The following HS3ST3A1 variants were observed in gnomAD, a reference collection of about 807,000 sequenced individuals.
The protein encoded by HS3ST3A1 is heparan sulfate-glucosamine 3-sulfotransferase 3A1.
HS3ST3A1 carries 19 observed loss-of-function variants against 25.7 expected under a neutral mutation model. The ratio of observed to expected loss-of-function variants is 0.74; its 90% CI spans 0.52 to 1.08. The LOEUF (loss-of-function observed/expected upper bound fraction) is 1.08. Among genes scored for constraint, HS3ST3A1 ranks in the 50% least tolerant of loss-of-function variants. HS3ST3A1 has a pLI of 0.00. For synonymous variants in HS3ST3A1, 226 were observed against 278.6 expected (o/e 0.81, Z 1.88); for missense variants, 459 against 594.3 (o/e 0.77, Z 2.37).
At chr17:13,551,370 TAA>T (rs1907237707) in intron 1 of HS3ST3A1, among the ~76,000 whole-genome samples, 2 of 148,432 alleles carry the variant, frequency 1.3e-5, no homozygotes, top group African/African-American at 4.9e-5. Flanking sequence ...AATAAATAAA[TAA>T]ATAAATAAAT....
At chr17:13,535,274 A>G (rs746364753) in intron 1 of HS3ST3A1, among the ~76,000 whole-genome samples, 1 of 152,172 alleles carries the variant, frequency 6.6e-6, no homozygotes, top group East Asian at 1.9e-4. Flanking sequence ...GTTTGTTAAC[A>G]TATGTATTTT....
chr17:13,500,249 G>C (rs1905424731), intron 1 of HS3ST3A1, among the ~76,000 whole-genome samples: 1 of 152,118 alleles, frequency 6.6e-6, no homozygotes, highest in Admixed American at 6.5e-5. Flanking sequence ...ACCTGAGTAA[G>C]GCACAAATTA....
At chr17:13,549,076 C>A (rs902796525) in intron 1 of HS3ST3A1, among the ~76,000 whole-genome samples, 1 of 152,210 alleles carries the variant, frequency 6.6e-6, no homozygotes, top group Non-Finnish European at 1.5e-5. Context: ...CTGTTGCTCA[C>A]GCTTTGGGTC....
At chr17:13,530,168 G>A (rs1190623859) in intron 1 of HS3ST3A1, among the ~76,000 whole-genome samples, 1 of 152,064 alleles carries the variant, frequency 6.6e-6, no homozygotes, top group Admixed American at 6.6e-5. Flanking sequence ...GGACACTCCT[G>A]CTCAGACATA....
At chr17:13,585,217 T>TTTTTTTG (rs1598433443) in intron 1 of HS3ST3A1, among the ~76,000 whole-genome samples, 2 of 115,916 alleles carry the variant, frequency 1.7e-5, no homozygotes, top group Non-Finnish European at 3.4e-5. Flanking sequence ...TTTTTTTTTT[T>TTTTTTTG]GAGACAGAGT....
chr17:13,592,301 T>A (rs910440057), intron 1 of HS3ST3A1, among the ~76,000 whole-genome samples: 1 of 152,206 alleles, frequency 6.6e-6, no homozygotes, highest in South Asian at 2.1e-4. Flanking sequence ...CATAAAAATA[T>A]AAATCCTATT....
chr17:13,564,487 T>C (rs939367349), intron 1 of HS3ST3A1, among the ~76,000 whole-genome samples: 3 of 152,320 alleles, frequency 2.0e-5, no homozygotes, highest in Admixed American at 6.5e-5. Flanking sequence ...TATTTGCATA[T>C]AACCTACACA....
intron 1 of HS3ST3A1, among the ~76,000 whole-genome samples, chr17:13,573,434 T>C (rs1243526005): frequency 6.6e-6 from 1 of 152,118 alleles, no homozygotes; most frequent in Non-Finnish European, 1.5e-5. Flanking sequence ...TCCACAACCA[T>C]GCCCCCTCAG....
intron 1 of HS3ST3A1, among the ~76,000 whole-genome samples, chr17:13,590,904 G>A (rs1277078610): frequency 6.8e-6 from 1 of 146,118 alleles, no homozygotes; most frequent in African/African-American, 2.5e-5. Flanking sequence ...GAGAGCACTG[G>A]ATTGGGGGGG....
intron 1 of HS3ST3A1, among the ~76,000 whole-genome samples, chr17:13,558,257 C>T (rs1358561287): frequency 2.0e-5 from 3 of 152,016 alleles, no homozygotes; most frequent in African/African-American, 4.8e-5. Context: ...CCATTGCACA[C>T]CAGACTGGAC....
intron 1 of HS3ST3A1, among the ~76,000 whole-genome samples, chr17:13,597,595 T>A (rs917122605): frequency 6.6e-6 from 1 of 152,066 alleles, no homozygotes; most frequent in African/African-American, 2.4e-5. Context: ...TCCACCAGGG[T>A]CGAGTTTCTC....
chr17:13,502,836 A>C (rs1171155393), intron 1 of HS3ST3A1, among the ~76,000 whole-genome samples: 1 of 151,828 alleles, frequency 6.6e-6, no homozygotes, highest in East Asian at 1.9e-4. Context: ...GATGATTTTG[A>C]AGGAGGTAAA....
At chr17:13,510,350 G>T (rs1041134661) in intron 1 of HS3ST3A1, among the ~76,000 whole-genome samples, 60 of 152,352 alleles carry the variant, frequency 3.9e-4, no homozygotes, top group Non-Finnish European at 6.6e-4. Flanking sequence ...GAGATAAGGG[G>T]GGAAAACGTG....
At chr17:13,518,451 A>C (rs1480707121) in intron 1 of HS3ST3A1, among the ~76,000 whole-genome samples, 1 of 152,204 alleles carries the variant, frequency 6.6e-6, no homozygotes, top group Non-Finnish European at 1.5e-5. Context: ...GCAATAAAAA[A>C]ATGTTTTGAG....
At chr17:13,529,328 T>C (rs757854859) in intron 1 of HS3ST3A1, among the ~76,000 whole-genome samples, 2 of 152,208 alleles carry the variant, frequency 1.3e-5, no homozygotes, top group Non-Finnish European at 2.9e-5. Context: ...GCTGACTACT[T>C]ATTCAAGAGA....
At chr17:13,536,651 G>A (rs922868034) in intron 1 of HS3ST3A1, among the ~76,000 whole-genome samples, 1 of 152,152 alleles carries the variant, frequency 6.6e-6, no homozygotes, top group Non-Finnish European at 1.5e-5. Context: ...CTTCCAGTTG[G>A]CTTCTCTTAA....
At chr17:13,535,007 C>G (rs1324343755) in intron 1 of HS3ST3A1, among the ~76,000 whole-genome samples, 1 of 148,752 alleles carries the variant, frequency 6.7e-6, no homozygotes, top group Non-Finnish European at 1.5e-5. Context: ...GCTTGGGCAA[C>G]AAGAGCAAAA....
intron 1 of HS3ST3A1, among the ~76,000 whole-genome samples, chr17:13,558,082 G>A (rs747851617): frequency 2.6e-5 from 4 of 152,132 alleles, no homozygotes; most frequent in Non-Finnish European, 4.4e-5. Flanking sequence ...GAAAGCTATA[G>A]TCCACCAAGA....
chr17:13,524,430 G>T (rs1906344923), intron 1 of HS3ST3A1, among the ~76,000 whole-genome samples: 1 of 151,614 alleles, frequency 6.6e-6, no homozygotes. Context: ...GCTAATTTTT[G>T]TTTTTTTTGT....
Sources: allele counts gnomAD v4.1 joint callset (sites outside exome capture counted in the v4.1 genomes callset), GRCh38; gene constraint gnomAD v4.1.1; transcripts MANE v1.5; gene names NCBI Gene and HGNC (gene_info 2026-07-23, HGNC 2026-07-21).